CASQ2: variants seen among roughly 807,000 people sequenced by gnomAD.
CASQ2 encodes calsequestrin-2.
In CASQ2, 49 loss-of-function variants were observed where a neutral mutation model predicts 46.5. The observed-to-expected ratio is 1.05, with a 90% CI of 0.84 to 1.34. The LOEUF (loss-of-function observed/expected upper bound fraction) is 1.34. Among genes scored for constraint, CASQ2 ranks in the 40% most tolerant of loss-of-function variants. The pLI is 0.00. For synonymous variants in CASQ2, 174 were observed against 168.5 expected (o/e 1.03, Z -0.25); for missense variants, 486 against 481.3 (o/e 1.01, Z -0.09).
intron 9 of CASQ2, among the ~76,000 whole-genome samples, chr1:115,704,631 A>C (rs566098988): frequency 6.6e-6 from 1 of 152,292 alleles, no homozygotes; most frequent in African/African-American, 2.4e-5. Context: ...AACTAAGTAT[A>C]ATCAAAAGTT....
chr1:115,702,888 G>GT, intron 10 of CASQ2, 33 bp downstream of exon 10: 1 of 1,529,622 alleles, frequency 6.5e-7, no homozygotes, highest in African/African-American at 1.4e-5. Flanking sequence ...CAGGCCAAGG[G>GT]TGCCTGAGCA....
At chr1:115,764,561 G>C (rs1481852276) in intron 1 of CASQ2, among the ~76,000 whole-genome samples, 1 of 152,188 alleles carries the variant, frequency 6.6e-6, no homozygotes, top group African/African-American at 2.4e-5. Context: ...ACTGCCAGCT[G>C]TTTAAGTCAG....
chr1:115,748,444 C>T (rs1294241394), intron 1 of CASQ2, among the ~76,000 whole-genome samples: 2 of 152,108 alleles, frequency 1.3e-5, no homozygotes, highest in South Asian at 2.1e-4. Context: ...AGAGCAGCTC[C>T]GAGGAATACC....
At chr1:115,730,279 A>G (rs1371529715) in intron 5 of CASQ2, among the ~76,000 whole-genome samples, 1 of 152,162 alleles carries the variant, frequency 6.6e-6, no homozygotes. Flanking sequence ...TGACTGACAA[A>G]TTTACATCAG....
intron 4 of CASQ2, among the ~76,000 whole-genome samples, chr1:115,737,736 G>A (rs534759439): frequency 1.3e-5 from 2 of 152,324 alleles, no homozygotes; most frequent in African/African-American, 4.8e-5. Flanking sequence ...CACTATGACA[G>A]GTAGCCTTGG....
rs750680032 is a variant in CASQ2, at chr1:115,738,278, G to T, written c.478C>A (p.Arg160Ser). 6.2e-7 allele frequency: 1 copy of T among 1,613,944 alleles called. No homozygotes were observed. Among genetic ancestry groups the T allele is most frequent in the Admixed American group, 1.7e-5 (1 of 60,030 alleles). The change falls in exon 4 of 11, where the codon CGC becomes AGC. Residue 160 changes from arginine to serine, a missense_variant. Transcript: ENST00000261448. ...ATGAGTTTGATGTAGTCTTCAATGCGTTCGAAGGCTTGGACTTCCAGTTTG... is the reference window on the plus strand; with the variant it reads ...ATGAGTTTGATGTAGTCTTCAATGCTTTCGAAGGCTTGGACTTCCAGTTTG... ...SSKLEVQAFE[R>S]IEDYIKLIGF... is the part of the protein sequence containing the mutation.
chr1:115,751,733 G>A (rs1648591474), intron 1 of CASQ2, among the ~76,000 whole-genome samples: 1 of 152,022 alleles, frequency 6.6e-6, no homozygotes, highest in Admixed American at 6.6e-5. Context: ...GGGCTGTGGA[G>A]ACTTAGAGAG....
intron 4 of CASQ2, 101 bp downstream of exon 4, chr1:115,738,123 A>C: frequency 1.3e-6 from 1 of 791,564 alleles, no homozygotes; most frequent in South Asian, 1.3e-5. Flanking sequence ...TCTACCCAGC[A>C]AAAGAGGTGC....
At position 115,764,645 on chromosome 1, in the gene CASQ2, A is replaced by G. The variant is rs374529672; in HGVS notation, c.234+3663T>C. ...CAGTTCTTTTGAGCTCTAACATTTC[A>G]TTCATTCATTCAACAATCATGTGTA... On this transcript the variant is annotated intron_variant, in intron 1 of 10. Transcript: ENST00000261448. Among the ~76,000 whole-genome samples the G allele has an allele frequency of 9.8e-5, 15 of 152,332 alleles. No homozygotes were observed. In the South Asian group the frequency reaches 2.5e-3, roughly 25 times the overall value.
intron 1 of CASQ2, among the ~76,000 whole-genome samples, chr1:115,767,308 C>G (rs750017234): frequency 6.6e-6 from 1 of 152,062 alleles, no homozygotes; most frequent in Non-Finnish European, 1.5e-5. Flanking sequence ...TGGAGATATA[C>G]TTTTGATGTA....
At chr1:115,724,633 G>A (rs1647510553) in intron 7 of CASQ2, among the ~76,000 whole-genome samples, 1 of 152,192 alleles carries the variant, frequency 6.6e-6, no homozygotes, top group Admixed American at 6.5e-5. Flanking sequence ...ATCTAACACT[G>A]TTTGAGCTGC....
rs72554064 is a variant in CASQ2 at position 115,727,147 on chromosome 1, A to C, written c.607-25T>G. ...CCTGTAACCATTAGAAATAAGACAA[A>C]GTTTATTTGAATACTAGTCTAGAAT... is the stretch of plus-strand genomic sequence containing the variant. On this transcript the variant is annotated intron_variant, in intron 5 of 10. Transcript: ENST00000261448. 5.4e-3 allele frequency: 8,451 copies of C among 1,565,746 alleles called. 32 individuals are homozygous for C. The highest frequency in any genetic ancestry group is 9.0e-3 in the Admixed American group (540 of 59,892).
At position 115,701,295 on chromosome 1, in the gene CASQ2, A is replaced by C; in HGVS notation, c.1146T>G (p.Asp382Glu). 6.3e-7 allele frequency: 1 copy of C among 1,594,950 alleles called. No individual in the cohort carries two copies. The highest frequency in any genetic ancestry group is 8.6e-7 in the Non-Finnish European group (1 of 1,162,704). The part of the protein sequence containing the change: ...TEDDDEDDDD[D>E]DNSDEEDNDD... ...CATTATCCTCTTCATCAGAATTATC[A>C]TCATCATCATCATCTTCATCATCAT... is the stretch of plus-strand genomic sequence containing the variant. Residue 382 changes from aspartate (D) to glutamate (E), a missense_variant, in exon 11 of 11, where the codon GAT (aspartate) becomes GAG (glutamate). Physicochemically the swap from Asp to Glu is conservative, Grantham distance 45 (BLOSUM62 2). Transcript: ENST00000261448.
Position 115,727,129 on chromosome 1 carries a change from C to T in CASQ2, c.607-7G>A, listed in dbSNP as rs748345342. 2 of 1,607,018 alleles carry T rather than the reference C, an allele frequency of 1.2e-6. No homozygotes were observed. The highest frequency in any genetic ancestry group is 8.5e-7 in the Non-Finnish European group (1 of 1,173,862). On this transcript the variant is annotated splice_polypyrimidine_tract_variant and splice_region_variant and intron_variant, in intron 5 of 10. Transcript: ENST00000261448. ...AAGATAATTTCTTTGCAACCTGTAA[C>T]CATTAGAAATAAGACAAAGTTTATT... is the stretch of plus-strand genomic sequence containing the variant.
chr1:115,706,636 A>G (rs183933107), intron 8 of CASQ2, among the ~76,000 whole-genome samples: 18 of 152,356 alleles, frequency 1.2e-4, no homozygotes, highest in African/African-American at 4.3e-4. Flanking sequence ...CATTTCTTGC[A>G]TAGCTGAATT....
chr1:115,712,434 G>T (rs1330342220), intron 8 of CASQ2, among the ~76,000 whole-genome samples: 1 of 152,134 alleles, frequency 6.6e-6, no homozygotes, highest in Non-Finnish European at 1.5e-5. Context: ...CAGACTCGGG[G>T]CTGGACTGCT....
chr1:115,754,828 C>T (rs565907396), intron 1 of CASQ2, among the ~76,000 whole-genome samples: 9 of 152,328 alleles, frequency 5.9e-5, no homozygotes, highest in East Asian at 1.9e-4. Context: ...TATACAAGTA[C>T]GTAGTGAAAG....
At chr1:115,759,852 A>T (rs1648879677) in intron 1 of CASQ2, among the ~76,000 whole-genome samples, 1 of 152,212 alleles carries the variant, frequency 6.6e-6, no homozygotes, top group African/African-American at 2.4e-5. Context: ...GTGCCACAGC[A>T]ACCAAATAGA....
chr1:115,738,553 A>G (rs1436527183), intron 3 of CASQ2, among the ~76,000 whole-genome samples: 1 of 152,192 alleles, frequency 6.6e-6, no homozygotes, highest in African/African-American at 2.4e-5. Flanking sequence ...GGGGCAACCT[A>G]TTCCTTTTGC....
Sources: allele counts gnomAD v4.1 joint callset (sites outside exome capture counted in the v4.1 genomes callset), GRCh38; gene constraint gnomAD v4.1.1; transcripts MANE v1.5; gene names NCBI Gene and HGNC (gene_info 2026-07-23, HGNC 2026-07-21).